Variants in LRRIQ3 observed in about 807,000 individuals in gnomAD.
LRRIQ3 encodes the protein leucine rich repeats and IQ motif containing 3.
A neutral mutation model predicts 59.3 loss-of-function variants in LRRIQ3; 75 were observed. The ratio of observed to expected loss-of-function variants is 1.26; its 90% CI spans 1.05 to 1.53. LRRIQ3 has a LOEUF of 1.53. LRRIQ3 is among the 40% of genes most tolerant of loss of function. The pLI is 0.00. For missense variants in LRRIQ3, 831 were observed against 710.0 expected, an observed-to-expected ratio of 1.17 and a Z score of -1.94; for synonymous variants, 250 against 231.3, an observed-to-expected ratio of 1.08 and a Z score of -0.73.
At chr1:74,184,491 G>A (rs774809699) in intron 1 of LRRIQ3, among the ~76,000 whole-genome samples, 5 of 152,070 alleles carry the variant, frequency 3.3e-5, no homozygotes, top group African/African-American at 4.8e-5. Flanking sequence ...TGGAAGAATC[G>A]ATTTCTACGA....
intron 6 of LRRIQ3, among the ~76,000 whole-genome samples, chr1:74,055,930 G>T (rs778185768): frequency 6.6e-6 from 1 of 151,984 alleles, no homozygotes; most frequent in Non-Finnish European, 1.5e-5. Flanking sequence ...ACATCACGAG[G>T]TCAGGTGATC....
rs369568312 is a variant in LRRIQ3, at chr1:74,139,704, T to C, written c.707+16029A>G. The stretch of plus-strand genomic sequence containing the variant: ...GGATAACATTTCTTGATATAAATAC[T>C]GACTATATAAAAATAAAAATATTAA... On this transcript the variant is annotated intron_variant, in intron 4 of 7. Transcript: ENST00000354431. 1.1e-4 allele frequency among the ~76,000 whole-genome samples: 16 copies of C among 152,066 alleles called. No homozygotes were observed. In the East Asian group the frequency reaches 3.1e-3, roughly 29 times the overall value.
At chr1:74,073,532 A>G (rs987085253) in intron 6 of LRRIQ3, among the ~76,000 whole-genome samples, 1 of 151,646 alleles carries the variant, frequency 6.6e-6, no homozygotes, top group Admixed American at 6.6e-5. Context: ...AAACAAACAA[A>G]CAAACAAACA....
intron 1 of LRRIQ3, among the ~76,000 whole-genome samples, chr1:74,187,778 T>A (rs1650501131): frequency 6.6e-6 from 1 of 152,012 alleles, no homozygotes; most frequent in African/African-American, 2.4e-5. Flanking sequence ...AAATAACAGA[T>A]GCTGGTGATG....
At chr1:74,038,302 A>G (rs1396237101) in intron 7 of LRRIQ3, among the ~76,000 whole-genome samples, 1 of 152,112 alleles carries the variant, frequency 6.6e-6, no homozygotes, top group East Asian at 1.9e-4. Flanking sequence ...CAGGGACAGA[A>G]GCCTGATCTC....
At chr1:74,177,824 T>A (rs1219745112) in intron 3 of LRRIQ3, among the ~76,000 whole-genome samples, 1 of 152,036 alleles carries the variant, frequency 6.6e-6, no homozygotes, top group South Asian at 2.1e-4. Flanking sequence ...ATATCTACTC[T>A]ATCTTCTTAG....
intron 4 of LRRIQ3, among the ~76,000 whole-genome samples, chr1:74,125,806 T>C (rs1400517510): frequency 1.3e-5 from 2 of 151,840 alleles, no homozygotes; most frequent in African/African-American, 4.8e-5. Context: ...TTCTGGAATG[T>C]AGTTTTCTGT....
At chr1:74,099,571 C>A (rs1476451202) in intron 5 of LRRIQ3, among the ~76,000 whole-genome samples, 1 of 152,128 alleles carries the variant, frequency 6.6e-6, no homozygotes, top group Non-Finnish European at 1.5e-5. Context: ...CCAGCATCAT[C>A]CTGATACCAA....
intron 6 of LRRIQ3, among the ~76,000 whole-genome samples, chr1:74,067,968 A>G (rs551550755): frequency 6.6e-6 from 1 of 152,164 alleles, no homozygotes; most frequent in South Asian, 2.1e-4. Context: ...TAACTTGCCA[A>G]ACATAGTCAA....
intron 4 of LRRIQ3, chr1:74,144,442 A>T: frequency 2.9e-6 from 1 of 343,236 alleles, no homozygotes; most frequent in Non-Finnish European, 5.9e-6. Flanking sequence ...AAACTAGATT[A>T]ATATTTTTCT....
At chr1:74,031,780 A>C (rs1018266994) in intron 7 of LRRIQ3, among the ~76,000 whole-genome samples, 1 of 152,090 alleles carries the variant, frequency 6.6e-6, no homozygotes, top group African/African-American at 2.4e-5. Context: ...TATTTAAAAA[A>C]GTCTTAGAGA....
chr1:74,105,619 TA>T (rs1646601003), intron 5 of LRRIQ3, among the ~76,000 whole-genome samples: 2 of 152,012 alleles, frequency 1.3e-5, no homozygotes, highest in Admixed American at 6.6e-5. Context: ...ATAATAGATT[TA>T]AATACAAACA....
intron 3 of LRRIQ3, among the ~76,000 whole-genome samples, chr1:74,175,999 T>C (rs943556689): frequency 3.9e-5 from 6 of 152,202 alleles, no homozygotes; most frequent in Non-Finnish European, 7.3e-5. Context: ...TTACACAGTA[T>C]TTATAATACT....
intron 7 of LRRIQ3, among the ~76,000 whole-genome samples, chr1:74,030,807 C>CA (rs1205974883): frequency 1.3e-5 from 2 of 152,098 alleles, no homozygotes; most frequent in Admixed American, 1.3e-4. Flanking sequence ...AAGAAACTAC[C>CA]ATCAGAATGA....
chr1:74,115,570 ATAAG>A (rs975575642), intron 4 of LRRIQ3, among the ~76,000 whole-genome samples: 12 of 152,156 alleles, frequency 7.9e-5, no homozygotes, highest in African/African-American at 2.4e-4. Context: ...TTTGCCTTCA[ATAAG>A]TAAGTGGCTT....
intron 4 of LRRIQ3, among the ~76,000 whole-genome samples, chr1:74,127,310 G>C (rs769524514): frequency 6.6e-6 from 1 of 151,812 alleles, no homozygotes; most frequent in Non-Finnish European, 1.5e-5. Context: ...GCCACTCTAT[G>C]CTTTTGATTG....
chr1:74,039,280 A>C (rs1653968370), intron 7 of LRRIQ3, among the ~76,000 whole-genome samples: 1 of 152,164 alleles, frequency 6.6e-6, no homozygotes, highest in African/African-American at 2.4e-5. Context: ...ATTAGAGAAA[A>C]CAGAATGAAA....
At chr1:74,132,450 C>T (rs866241564) in intron 4 of LRRIQ3, among the ~76,000 whole-genome samples, 4 of 152,110 alleles carry the variant, frequency 2.6e-5, no homozygotes, top group African/African-American at 9.7e-5. Flanking sequence ...CGTCGTGCTA[C>T]CTGACTTCAA....
intron 3 of LRRIQ3, chr1:74,179,959 T>C (rs1347139315): frequency 6.6e-6 from 1 of 151,958 alleles, no homozygotes; most frequent in Non-Finnish European, 1.5e-5. Flanking sequence ...TATGGTAAAT[T>C]ATATATTTGG....
Sources: allele counts gnomAD v4.1 joint callset (sites outside exome capture counted in the v4.1 genomes callset), GRCh38; gene constraint gnomAD v4.1.1; transcripts MANE v1.5; gene names NCBI Gene and HGNC (gene_info 2026-07-23, HGNC 2026-07-21).